Variants in RAD51B observed in about 807,000 individuals in gnomAD.
RAD51B encodes the protein RAD51 paralog B, also known as DNA repair protein RAD51 homolog 2.
In RAD51B, 38 loss-of-function variants were observed where a neutral mutation model predicts 42.2. The observed-to-expected ratio is 0.90, with a 90% CI of 0.70 to 1.18. RAD51B has a LOEUF of 1.18. Ranked by LOEUF, RAD51B falls within the 50% of genes most tolerant of loss-of-function variation. RAD51B has a pLI of 0.00. For missense variants in RAD51B, 373 were observed against 400.7 expected (o/e 0.93, Z 0.59); for synonymous variants, 154 against 145.2 (o/e 1.06, Z -0.43).
At chr14:68,396,576 A>G (rs2083930563) in intron 8 of RAD51B, among the ~76,000 whole-genome samples, 1 of 152,252 alleles carries the variant, frequency 6.6e-6, no homozygotes, top group Non-Finnish European at 1.5e-5. Flanking sequence ...GATGATAGTC[A>G]TAGAAGGAAA....
At chr14:68,481,935 C>T (rs925666440), downstream of RAD51B, among the ~76,000 whole-genome samples, 7 of 152,166 alleles carry the variant, frequency 4.6e-5, no homozygotes, top group African/African-American at 1.7e-4. Context: ...GTAGAGGTTC[C>T]ATCACTGCCT....
intron 11 of RAD51B, among the ~76,000 whole-genome samples, chr14:68,657,017 T>C (rs1892829804): frequency 6.6e-6 from 1 of 152,224 alleles, no homozygotes; most frequent in Admixed American, 6.5e-5. Flanking sequence ...CTAGTCATAG[T>C]GCTGCCTTTG....
At chr14:67,855,055 T>C (rs1165081353) in intron 4 of RAD51B, among the ~76,000 whole-genome samples, 1 of 152,182 alleles carries the variant, frequency 6.6e-6, no homozygotes, top group African/African-American at 2.4e-5. Context: ...ATAGTTATTA[T>C]GCCTGGCAAA....
intron 7 of RAD51B, among the ~76,000 whole-genome samples, chr14:68,164,039 C>T (rs941621622): frequency 6.6e-6 from 1 of 152,116 alleles, no homozygotes; most frequent in Admixed American, 6.5e-5. Context: ...TTCCTGGTGC[C>T]ATCAGCAGTT....
At chr14:67,832,399 G>A (rs151220337) in intron 3 of RAD51B, among the ~76,000 whole-genome samples, 5 of 152,266 alleles carry the variant, frequency 3.3e-5, no homozygotes, top group South Asian at 2.1e-4. Flanking sequence ...GGTATTTGGT[G>A]TATATTGTTA....
At chr14:68,526,055 A>G (rs1324099377) in intron 10 of RAD51B, among the ~76,000 whole-genome samples, 1 of 152,240 alleles carries the variant, frequency 6.6e-6, no homozygotes, top group Non-Finnish European at 1.5e-5. Context: ...GGTTACCATC[A>G]TAGCGCCTCA....
At chr14:68,143,778 G>A (rs191098256) in intron 7 of RAD51B, among the ~76,000 whole-genome samples, 3 of 152,274 alleles carry the variant, frequency 2.0e-5, no homozygotes, top group Admixed American at 2.0e-4. Flanking sequence ...GAAGCGCAGG[G>A]TGGTTGGCAT....
chr14:68,493,203 A>G (rs1884220146), intron 10 of RAD51B, among the ~76,000 whole-genome samples: 1 of 152,218 alleles, frequency 6.6e-6, no homozygotes, highest in Non-Finnish European at 1.5e-5. Context: ...CCCCAGAGTT[A>G]GCTGCAGTTC....
intron 11 of RAD51B, among the ~76,000 whole-genome samples, chr14:68,666,826 A>G (rs1333190524): frequency 6.6e-6 from 1 of 152,242 alleles, no homozygotes; most frequent in Non-Finnish European, 1.5e-5. Context: ...AGTGTATTAT[A>G]AAGGTTCTCC....
At chr14:67,860,327 G>A (rs2042124482) in intron 4 of RAD51B, among the ~76,000 whole-genome samples, 1 of 152,162 alleles carries the variant, frequency 6.6e-6, no homozygotes, top group East Asian at 1.9e-4. Flanking sequence ...TTCATTTTGT[G>A]CCATTAAAAT....
At chr14:68,248,627 C>G (rs780755787) in intron 7 of RAD51B, among the ~76,000 whole-genome samples, 4 of 152,134 alleles carry the variant, frequency 2.6e-5, no homozygotes, top group Non-Finnish European at 5.9e-5. Flanking sequence ...TTTCTCACTA[C>G]TCTGGGGAGT....
chr14:68,544,457 A>G (rs1053957420), intron 10 of RAD51B, among the ~76,000 whole-genome samples: 4 of 152,218 alleles, frequency 2.6e-5, no homozygotes, highest in Admixed American at 6.5e-5. Context: ...AGCCAATCGT[A>G]TCTGTTTCCA....
chr14:68,072,091 A>T (rs139837468), intron 7 of RAD51B, among the ~76,000 whole-genome samples: 5,084 of 135,330 alleles, frequency 0.038, 310 homozygotes, highest in Admixed American at 0.11. Flanking sequence ...ATATATAAAT[A>T]TATAATATAT....
intron 9 of RAD51B, among the ~76,000 whole-genome samples, chr14:68,419,981 C>T (rs2084658478): frequency 6.6e-6 from 1 of 152,132 alleles, no homozygotes; most frequent in African/African-American, 2.4e-5. Flanking sequence ...AGGAGTTAGC[C>T]TTTACTGAGT....
chr14:68,592,521 G>A (rs1262254932), intron 10 of RAD51B, among the ~76,000 whole-genome samples: 1 of 152,114 alleles, frequency 6.6e-6, no homozygotes, highest in African/African-American at 2.4e-5. Flanking sequence ...AAATGAGAAA[G>A]CGAGCATGGA....
At chr14:68,050,236 TC>T (rs2140417108) in intron 7 of RAD51B, among the ~76,000 whole-genome samples, 1 of 151,880 alleles carries the variant, frequency 6.6e-6, no homozygotes, top group East Asian at 1.9e-4. Context: ...TCCTTTCCTT[TC>T]CCTTTCCCTT....
chr14:68,490,860 C>A (rs1016037344), intron 10 of RAD51B, among the ~76,000 whole-genome samples: 4 of 151,964 alleles, frequency 2.6e-5, no homozygotes, highest in Non-Finnish European at 5.9e-5. Flanking sequence ...CTTGGAGAGG[C>A]CAAGGGGAGA....
At chr14:68,659,675 C>T (rs1199035547) in intron 11 of RAD51B, among the ~76,000 whole-genome samples, 1 of 152,190 alleles carries the variant, frequency 6.6e-6, no homozygotes, top group Non-Finnish European at 1.5e-5. Context: ...CAGCCCAGCC[C>T]TTGAGTGGGT....
In RAD51B at chr14:68,321,275, C is replaced by G. The variant is rs914359979; in HGVS notation, c.853+29295C>G. 4.6e-5 allele frequency among the ~76,000 whole-genome samples: 7 copies of G among 152,318 alleles called. No homozygotes were observed. In the East Asian group the frequency reaches 1.3e-3, roughly 29 times the overall value. On this transcript the variant is annotated intron_variant, in intron 8 of 10. Transcript: ENST00000471583. ...AGTAATCTTGCTCCGTACTGCAAGA[C>G]TAGGGCAGCCCAGTCGCCCACTCCC...
Sources: allele counts gnomAD v4.1 joint callset (sites outside exome capture counted in the v4.1 genomes callset), GRCh38; gene constraint gnomAD v4.1.1; transcripts MANE v1.5; gene names NCBI Gene and HGNC (gene_info 2026-07-23, HGNC 2026-07-21).